ARHGAP15: variants seen among roughly 807,000 people sequenced by gnomAD.
ARHGAP15 encodes the protein rho GTPase-activating protein 15.
In ARHGAP15, 51 loss-of-function variants were observed where a neutral mutation model predicts 63.7. The observed-to-expected ratio is 0.80, with a 90% CI of 0.64 to 1.01. The LOEUF (loss-of-function observed/expected upper bound fraction) is 1.01, where lower values mean the gene tolerates loss of function less well. Ranked by LOEUF, ARHGAP15 falls within the 50% of genes least tolerant of loss-of-function variation. The pLI, the probability that ARHGAP15 is intolerant of heterozygous loss-of-function variation, is 0.00. For missense variants in ARHGAP15, 560 were observed against 564.6 expected (o/e 0.99, Z 0.08); for synonymous variants, 191 against 193.8 (o/e 0.99, Z 0.12).
At chr2:143,612,270 G>C (rs1349751157) in intron 11 of ARHGAP15, among the ~76,000 whole-genome samples, 1 of 152,102 alleles carries the variant, frequency 6.6e-6, no homozygotes, top group Non-Finnish European at 1.5e-5. Context: ...CTAGAACAGT[G>C]GTCCTCAGAG....
chr2:143,556,720 C>G (rs907472183), intron 11 of ARHGAP15, among the ~76,000 whole-genome samples: 3 of 151,502 alleles, frequency 2.0e-5, no homozygotes, highest in African/African-American at 7.3e-5. Flanking sequence ...ATGAATGGAA[C>G]ATGTCAAAAT....
Position 143,216,415 on chromosome 2 carries a change from C to T in ARHGAP15, c.266C>T (p.Ala89Val). The change falls in exon 4 of 14, where the codon GCT (alanine) becomes GTT (valine). Residue 89 changes from alanine (A) to valine (V), a missense_variant. Physicochemically the swap from Ala to Val is moderately conservative, Grantham distance 64. Coordinates refer to ENST00000295095, the MANE Select transcript of ARHGAP15 (RefSeq NM_018460.4). ...GAAAAAGAAGGTTATCTGCAAAAAG[C>T]TAAAATTGCAGATGGAGGAAAGAAA... ...MVEKEGYLQK[A>V]KIADGGKKLR... 1.2e-6 allele frequency: 2 copies of T among 1,610,818 alleles called. No individual in the cohort carries two copies. Among genetic ancestry groups the T allele is most frequent in the Non-Finnish European group, 1.7e-6 (2 of 1,178,674 alleles).
intron 4 of ARHGAP15, among the ~76,000 whole-genome samples, chr2:143,225,296 A>C (rs137860969): frequency 1.4e-3 from 209 of 152,192 alleles, no homozygotes; most frequent in African/African-American, 4.9e-3. Context: ...AAATTAAAAA[A>C]ATTTGGATTT....
intron 12 of ARHGAP15, among the ~76,000 whole-genome samples, chr2:143,631,785 G>C (rs1364743114): frequency 6.6e-6 from 1 of 151,946 alleles, no homozygotes; most frequent in Non-Finnish European, 1.5e-5. Flanking sequence ...GTTTTCAGAA[G>C]AGCAGACATT....
At chr2:143,487,284 A>G (rs956491508) in intron 8 of ARHGAP15, 89 bp from the exon 9 acceptor site, 31 of 1,447,256 alleles carry the variant, frequency 2.1e-5, no homozygotes, top group Non-Finnish European at 2.9e-5. Flanking sequence ...TAGTTGTTTC[A>G]TAACTACTGT....
intron 5 of ARHGAP15, among the ~76,000 whole-genome samples, chr2:143,248,653 T>G (rs1009565046): frequency 6.6e-6 from 1 of 152,206 alleles, no homozygotes; most frequent in Non-Finnish European, 1.5e-5. Context: ...CACAGAATCA[T>G]TTGGTTAATA....
intron 6 of ARHGAP15, among the ~76,000 whole-genome samples, chr2:143,418,995 A>T (rs1417009561): frequency 6.6e-6 from 1 of 152,234 alleles, no homozygotes; most frequent in East Asian, 1.9e-4. Flanking sequence ...ACCAAGAAAC[A>T]AAAATAATTT....
At chr2:143,143,230 A>G (rs1689442331) in intron 1 of ARHGAP15, among the ~76,000 whole-genome samples, 1 of 152,108 alleles carries the variant, frequency 6.6e-6, no homozygotes, top group African/African-American at 2.4e-5. Flanking sequence ...GATAGCTCCT[A>G]TATTAAGATT....
intron 13 of ARHGAP15, among the ~76,000 whole-genome samples, chr2:143,710,365 C>T (rs558381478): frequency 2.6e-5 from 4 of 152,066 alleles, no homozygotes; most frequent in Admixed American, 1.3e-4. Flanking sequence ...TTACTCTGAT[C>T]GCGAGGGTGA....
At chr2:143,349,106 G>A (rs548491495) in intron 6 of ARHGAP15, among the ~76,000 whole-genome samples, 1 of 152,096 alleles carries the variant, frequency 6.6e-6, no homozygotes, top group African/African-American at 2.4e-5. Context: ...ACCCTCCAAA[G>A]TTTCTTTTAT....
At chr2:143,750,275 A>T (rs1011181133) in intron 13 of ARHGAP15, among the ~76,000 whole-genome samples, 1 of 152,144 alleles carries the variant, frequency 6.6e-6, no homozygotes, top group Non-Finnish European at 1.5e-5. Flanking sequence ...CCCCATCTCT[A>T]TTAAAAATCC....
At chr2:143,305,122 T>C (rs562406311) in intron 6 of ARHGAP15, among the ~76,000 whole-genome samples, 6 of 152,094 alleles carry the variant, frequency 3.9e-5, no homozygotes, top group African/African-American at 4.8e-5. Flanking sequence ...GTGGCATATA[T>C]ACACCATTGG....
chr2:143,153,843 T>TCTTCCTCCTCCTCC lies in ARHGAP15; in HGVS notation c.-14-1634_-14-1633insCTTCCTCCTCCTCC, dbSNP rs1558779622. Reference sequence around the variant, plus strand: ...CTTCTTCTTCTTCTTCTTCTTCTTCTTCCTCCTCCTCCTCCTCCTCCTCCT... The same window carrying TCTTCCTCCTCCTCC: ...CTTCTTCTTCTTCTTCTTCTTCTTCTCTTCCTCCTCCTCCTCCTCCTCCTCCTCCTCCTCCTCCT... On this transcript the variant is annotated intron_variant, in intron 1 of 13. Transcript: ENST00000295095. Among the ~76,000 whole-genome samples, 83 of 86,890 alleles carry TCTTCCTCCTCCTCC rather than the reference T, an allele frequency of 9.6e-4. 3 individuals carry two copies. Among genetic ancestry groups the TCTTCCTCCTCCTCC allele is most frequent in the East Asian group, 5.4e-3 (13 of 2,390 alleles). The allele number at this position is 86,890 out of a possible 152,430, so 57.0% of individuals were successfully genotyped here. A position where few individuals can be genotyped will look rare whatever the true frequency, so the allele number is the denominator to read the frequency against.
intron 12 of ARHGAP15, among the ~76,000 whole-genome samples, chr2:143,694,939 A>G (rs1179465621): frequency 6.6e-6 from 1 of 152,130 alleles, no homozygotes; most frequent in Non-Finnish European, 1.5e-5. Flanking sequence ...TTTTCAAGTG[A>G]GTTTTCTAAT....
At chr2:143,204,707 T>C (rs1175754730) in intron 3 of ARHGAP15, among the ~76,000 whole-genome samples, 1 of 152,070 alleles carries the variant, frequency 6.6e-6, no homozygotes, top group East Asian at 1.9e-4. Context: ...CACTAGGCCC[T>C]AGAAGACTCA....
At chr2:143,381,194 T>C (rs1391606292) in intron 6 of ARHGAP15, among the ~76,000 whole-genome samples, 1 of 152,196 alleles carries the variant, frequency 6.6e-6, no homozygotes, top group African/African-American at 2.4e-5. Flanking sequence ...GAATATTATA[T>C]GGCCTACAAA....
intron 10 of ARHGAP15, among the ~76,000 whole-genome samples, chr2:143,550,736 A>T (rs531440398): frequency 1.3e-5 from 2 of 152,296 alleles, no homozygotes; most frequent in African/African-American, 4.8e-5. Context: ...AACTTTTGGG[A>T]GCTCTCCTTT....
chr2:143,694,400 A>C (rs1007372810), intron 12 of ARHGAP15, among the ~76,000 whole-genome samples: 1 of 152,232 alleles, frequency 6.6e-6, no homozygotes, highest in African/African-American at 2.4e-5. Context: ...CCATGTGGTA[A>C]AATGATCATG....
intron 5 of ARHGAP15, among the ~76,000 whole-genome samples, chr2:143,242,583 C>A (rs1437251790): frequency 2.0e-5 from 3 of 152,152 alleles, no homozygotes; most frequent in African/African-American, 7.2e-5. Flanking sequence ...CTAGTGCCCA[C>A]AATCACTAAC....
Sources: gnomAD v4.1 joint callset for allele counts (sites outside exome capture counted in the v4.1 genomes callset) on GRCh38, gnomAD v4.1.1 for gene constraint, MANE v1.5 for transcripts, NCBI Gene and HGNC (gene_info 2026-07-23, HGNC 2026-07-21) for gene names.